Variants in LDLRAD3 observed in about 807,000 individuals in gnomAD.
LDLRAD3 encodes low density lipoprotein receptor class A domain containing 3.
In LDLRAD3, 20 loss-of-function variants were observed where a neutral mutation model predicts 29.4. That is an observed-to-expected ratio of 0.68 (90% CI 0.48 to 0.99). LDLRAD3 has a LOEUF of 0.99. Ranked by LOEUF, LDLRAD3 falls within the 50% of genes least tolerant of loss-of-function variation. The pLI, the probability that LDLRAD3 is intolerant of heterozygous loss-of-function variation, is 0.00. For missense variants in LDLRAD3, 420 were observed against 454.3 expected, an observed-to-expected ratio of 0.92 and a Z score of 0.69; for synonymous variants, 157 against 192.7, an observed-to-expected ratio of 0.81 and a Z score of 1.53.
At chr11:36,017,670 A>C (rs183312824) in intron 1 of LDLRAD3, among the ~76,000 whole-genome samples, 11 of 151,874 alleles carry the variant, frequency 7.2e-5, no homozygotes, top group Admixed American at 3.9e-4. Flanking sequence ...CTGGGATTAC[A>C]GTCGTGCACC....
intron 4 of LDLRAD3, among the ~76,000 whole-genome samples, chr11:36,139,770 G>A (rs1211151036): frequency 2.0e-5 from 3 of 152,178 alleles, no homozygotes; most frequent in Admixed American, 2.0e-4. Context: ...TCCAGGAGAC[G>A]AGGGTGAAGG....
rs761816374 is a variant in LDLRAD3, at chr11:36,149,863, CTGTTCCTCATGACTCA to C, written c.454+51421_454+51436del. 3.8e-4 allele frequency among the ~76,000 whole-genome samples: 58 copies of C among 151,384 alleles called. 1 individual carries two copies. The highest frequency in any genetic ancestry group is 3.4e-3 in the Middle Eastern group (1 of 294). The stretch of plus-strand genomic sequence containing the variant: ...TGACTCATGAATGTGTTCCTCATGA[CTGTTCCTCATGACTCA>C]TGTTCCTCATGACTCATGACTCATG... On this transcript the variant is annotated intron_variant, in intron 4 of 5. Transcript: ENST00000315571.
intron 4 of LDLRAD3, among the ~76,000 whole-genome samples, chr11:36,169,341 T>G (rs145039771): frequency 8.7e-4 from 132 of 152,316 alleles, no homozygotes; most frequent in African/African-American, 3.1e-3. Context: ...ATATAATTAT[T>G]GTTAACTGTA....
In LDLRAD3 at chr11:36,213,424, C is replaced by A. The variant is rs1317057241; in HGVS notation, c.455-13661C>A. Among the ~76,000 whole-genome samples, 1 of 152,206 alleles carries A rather than the reference C, an allele frequency of 6.6e-6. No homozygotes were observed. Among genetic ancestry groups the A allele is most frequent in the East Asian group, 1.9e-4 (1 of 5,190 alleles). ...TAAATTAAACTTTTTCAATCCGCAT[C>A]TAAATTGGGATGGGTGATGTGCTTG... On this transcript the variant is annotated intron_variant, in intron 4 of 5. Transcript: ENST00000315571. This position sits in a 1 kb window ranked among gnomAD's most constrained non-coding sequence, Gnocchi z 4.1.
At chr11:36,215,332 T>A (rs1446748442) in intron 4 of LDLRAD3, among the ~76,000 whole-genome samples, 3 of 152,004 alleles carry the variant, frequency 2.0e-5, no homozygotes, top group Non-Finnish European at 4.4e-5. Flanking sequence ...CACTGGAAGG[T>A]TTTGAGCTGA....
chr11:36,101,883 A>AT, intron 4 of LDLRAD3: 1 of 326,768 alleles, frequency 3.1e-6, no homozygotes, highest in Non-Finnish European at 5.6e-6. Flanking sequence ...ACCCACTGTC[A>AT]TCTTTTTTTT....
intron 4 of LDLRAD3, among the ~76,000 whole-genome samples, chr11:36,134,092 T>C (rs945947379): frequency 6.6e-6 from 1 of 152,064 alleles, no homozygotes; most frequent in Non-Finnish European, 1.5e-5. Context: ...CATCAGACAT[T>C]TGGATGGGCA....
intron 2 of LDLRAD3, among the ~76,000 whole-genome samples, chr11:36,038,732 C>T (rs890628479): frequency 3.3e-5 from 5 of 152,118 alleles, no homozygotes; most frequent in African/African-American, 1.2e-4. Context: ...ATTTTTTTCC[C>T]CTGACTTCCT....
intron 4 of LDLRAD3, chr11:36,184,244 T>G (rs1854812652): frequency 6.5e-6 from 1 of 154,306 alleles, no homozygotes; most frequent in East Asian, 1.9e-4. Flanking sequence ...GGATTGCAAA[T>G]GTGAGCCACT....
At chr11:36,158,945 G>C (rs1173082776) in intron 4 of LDLRAD3, among the ~76,000 whole-genome samples, 1 of 152,052 alleles carries the variant, frequency 6.6e-6, no homozygotes, top group Non-Finnish European at 1.5e-5. Flanking sequence ...CATTCAGAAA[G>C]GTCTAGCTAT....
At chr11:36,153,755 T>A (rs995900550) in intron 4 of LDLRAD3, among the ~76,000 whole-genome samples, 1 of 152,198 alleles carries the variant, frequency 6.6e-6, no homozygotes, top group Non-Finnish European at 1.5e-5. Context: ...ATGTGCATAT[T>A]TATTTGCTCT....
At chr11:36,165,737 C>G (rs1472004756) in intron 4 of LDLRAD3, among the ~76,000 whole-genome samples, 2 of 151,530 alleles carry the variant, frequency 1.3e-5, no homozygotes, top group Non-Finnish European at 2.9e-5. Flanking sequence ...TCACCTCCCC[C>G]TCCCACCCCC....
intron 1 of LDLRAD3, among the ~76,000 whole-genome samples, chr11:36,029,444 A>G (rs1852208013): frequency 6.6e-6 from 1 of 152,104 alleles, no homozygotes; most frequent in Non-Finnish European, 1.5e-5. Flanking sequence ...TATCATGACA[A>G]ACAGCATCTT....
chr11:36,106,662 T>C (rs1853533154), intron 4 of LDLRAD3, among the ~76,000 whole-genome samples: 1 of 152,200 alleles, frequency 6.6e-6, no homozygotes, highest in African/African-American at 2.4e-5. Context: ...CAGGGTATAT[T>C]GTATATAGTT....
At position 36,118,014 on chromosome 11, in the gene LDLRAD3, A is replaced by G. The variant is rs745491831; in HGVS notation, c.454+19553A>G. Among the ~76,000 whole-genome samples the G allele has an allele frequency of 4.8e-4, 73 of 152,118 alleles. 1 individual carries two copies. Among genetic ancestry groups the G allele is most frequent in the Non-Finnish European group, 1.0e-3 (69 of 68,028 alleles). Reference sequence around the variant, plus strand: ...AGTGATCCTTAACCAAAGGTGGTGGAAAAATGTGGGGCTGAGAGAGGGCAT... The same window carrying G: ...AGTGATCCTTAACCAAAGGTGGTGGGAAAATGTGGGGCTGAGAGAGGGCAT... On this transcript the variant is annotated intron_variant, in intron 4 of 5. Transcript: ENST00000315571.
At chr11:35,950,621 T>G (rs1851119334) in intron 1 of LDLRAD3, among the ~76,000 whole-genome samples, 1 of 152,196 alleles carries the variant, frequency 6.6e-6, no homozygotes, top group South Asian at 2.1e-4. Flanking sequence ...GAAAGCTCCT[T>G]GAGGGACTGG....
chr11:36,097,539 G>A (rs1220803802), intron 3 of LDLRAD3, among the ~76,000 whole-genome samples: 1 of 152,120 alleles, frequency 6.6e-6, no homozygotes. Context: ...TGACCATTTC[G>A]GGTGAGGCAT....
chr11:36,177,670 T>C (rs913307919), intron 4 of LDLRAD3, among the ~76,000 whole-genome samples: 1 of 152,200 alleles, frequency 6.6e-6, no homozygotes. Flanking sequence ...AGTCCTGTAA[T>C]GTGATCCATC....
chr11:36,103,965 C>A (rs970540424), intron 4 of LDLRAD3, among the ~76,000 whole-genome samples: 5 of 152,168 alleles, frequency 3.3e-5, no homozygotes, highest in Admixed American at 3.3e-4. Flanking sequence ...TTGCTTCCAC[C>A]TTTTGACTAT....
Sources: allele counts gnomAD v4.1 joint callset (sites outside exome capture counted in the v4.1 genomes callset), GRCh38; gene constraint gnomAD v4.1.1; non-coding constraint Gnocchi (gnomAD v3.1); transcripts MANE v1.5; gene names NCBI Gene and HGNC (gene_info 2026-07-23, HGNC 2026-07-21).